C20orf144: variants seen among roughly 807,000 people sequenced by gnomAD.
C20orf144 encodes chromosome 20 open reading frame 144, also known as uncharacterized protein C20orf144.
C20orf144 carries 8 observed loss-of-function variants against 3.8 expected under a neutral mutation model. The ratio of observed to expected loss-of-function variants is 2.11; its 90% CI spans 1.24 to 3.80. The LOEUF (loss-of-function observed/expected upper bound fraction) is 3.80, where lower values mean the gene tolerates loss of function less well. Ranked by LOEUF, C20orf144 falls within the 30% of genes most tolerant of loss-of-function variation. The pLI, the probability that C20orf144 is intolerant of heterozygous loss-of-function variation, is 0.00. For synonymous variants in C20orf144, 126 were observed against 104.1 expected (o/e 1.21, Z -1.28); for missense variants, 289 against 224.5 (o/e 1.29, Z -1.83).
In C20orf144 at chr20:33,663,543, G is replaced by T; in HGVS notation, c.138G>T (p.Val46=). The T allele has an allele frequency of 6.2e-7, 1 of 1,610,266 alleles. No individual in the cohort carries two copies. The change falls in exon 2 of 2, where the codon GTG becomes GTT. Residue 46 remains valine (V), a synonymous_variant. Coordinates refer to ENST00000375222, the MANE Select transcript of C20orf144 (RefSeq NM_080825.4). ...LTRKKPATRI[V]LILPLDKRQP... ...TGTTCCACCCCCAGACCAGGATCGT[G>T]CTGATTCTCCCCCTGGACAAGCGGC...
chr20:33,663,091 T>C lies in C20orf144; in HGVS notation c.127-441T>C, dbSNP rs181899509. ...CCCAACACGGAGAATCAGTTCTAGT[T>C]GGTACTACTGGAGCTAGAGGCAGGG... On this transcript the variant is annotated intron_variant, in intron 1 of 1. Coordinates refer to ENST00000375222, the MANE Select transcript of C20orf144 (RefSeq NM_080825.4). 4.7e-4 allele frequency among the ~76,000 whole-genome samples: 72 copies of C among 152,196 alleles called. No individual in the cohort carries two copies. The Middle Eastern group carries it at 0.017, about 36-fold the overall frequency.
In C20orf144 at chr20:33,663,708, G is replaced by C; in HGVS notation, c.303G>C (p.Arg101=). The change falls in exon 2 of 2, where the codon CGG becomes CGC. Residue 101 remains arginine (R), a synonymous_variant. Transcript: ENST00000375222. ...TGCCGGTACTGCTGCTGCTGCGGCG[G>C]CAAGAGGCGCGGCGGCCGGAAGAGG... The part of the protein sequence containing the change: ...PRMPVLLLLR[R]QEARRPEEGG... 1 of 1,535,868 alleles carries C rather than the reference G, an allele frequency of 6.5e-7. No individual in the cohort carries two copies. The highest frequency in any genetic ancestry group is 1.2e-5 in the South Asian group (1 of 86,242).
intron 1 of C20orf144, 65 bp from the exon 2 acceptor site, chr20:33,663,467 C>G: frequency 6.7e-7 from 1 of 1,492,310 alleles, no homozygotes; most frequent in South Asian, 1.2e-5. Context: ...AAGCGCGGAG[C>G]GGCCCCGGGT....
In C20orf144 at chr20:33,663,679, AG is replaced by A; in HGVS notation, c.276del (p.Met93CysfsTer24). The A allele has an allele frequency of 6.3e-7, 1 of 1,589,034 alleles. No homozygotes were observed. ...GGGCGAAGGTAGCGAGCGCGAGCCG[AG>A]GATGCCGGTACTGCTGCTGCTGCGG... ...GAGEGSEREP[R>X]MPVLLLLRRQ... On this transcript the variant is annotated frameshift_variant, in exon 2 of 2. Transcript: ENST00000375222. LOFTEE classifies it low-confidence loss of function (END_TRUNC).
chr20:33,662,356 A>G lies in C20orf144; in HGVS notation c.11A>G (p.Tyr4Cys). The G allele has an allele frequency of 6.4e-7, 1 of 1,551,330 alleles. No individual in the cohort carries two copies. MGN[Y>C]SSHKRTKAPK... ...GTGACCAGCCCTGCCATGGGAAACT[A>G]TAGTTCCCACAAAAGGACCAAAGCA... is the stretch of plus-strand genomic sequence containing the variant. Residue 4 changes from tyrosine (Y) to cysteine (C), a missense_variant, in exon 1 of 2, where the codon TAT becomes TGT. Transcript: ENST00000375222.
chr20:33,663,503 C>T (rs1338513415), intron 1 of C20orf144, 29 bp from the exon 2 acceptor site: 1 of 1,596,458 alleles, frequency 6.3e-7, no homozygotes, highest in Non-Finnish European at 8.5e-7. Flanking sequence ...AGCGCGCTCT[C>T]CCGCCTCACG....
chr20:33,663,371 G>T, intron 1 of C20orf144, 161 bp from the exon 2 acceptor site: 1 of 735,440 alleles, frequency 1.4e-6, no homozygotes, highest in South Asian at 2.0e-5. Flanking sequence ...GCCTGAATTG[G>T]ACAGGGGTCC....
rs557872161 is a variant in C20orf144, at chr20:33,663,755, G to C, written c.350G>C (p.Ser117Thr). 4 of 1,461,066 alleles carry C rather than the reference G, an allele frequency of 2.7e-6. No individual in the cohort carries two copies. The highest frequency in any genetic ancestry group is 3.6e-6 in the Non-Finnish European group (4 of 1,114,790). The allele number at this position is 1,461,066 out of a possible 1,614,324, so 90.5% of individuals were successfully genotyped here. ...GAGGGCGGGGCCAGGGCAGCTCTGA[G>C]CTGGCCGCGGCTGCTCTCGCGCTTC... The part of the protein sequence containing the change: ...PEEGGARAAL[S>T]WPRLLSRFRS... Residue 117 changes from serine to threonine, a missense_variant, in exon 2 of 2, where the codon AGC becomes ACC. Coordinates refer to ENST00000375222, the MANE Select transcript of C20orf144 (RefSeq NM_080825.4).
rs865968410 is a variant in C20orf144, at chr20:33,663,414, C to T, written c.127-118C>T. The T allele has an allele frequency of 9.1e-6, 10 of 1,103,482 alleles. No homozygotes were observed. In the South Asian group the frequency reaches 1.5e-4, roughly 17 times the overall value. 68.4% of individuals were successfully genotyped at this position (1,103,482 alleles called of 1,614,324 possible). ...CCCTGTGCACGAGAGGATGACAGGA[C>T]CCGGGTGGACGACAGGACCCGGGTG... On this transcript the variant is annotated intron_variant, in intron 1 of 1. Transcript: ENST00000375222.
At position 33,662,600 on chromosome 20, in the gene C20orf144, AT is replaced by A. The variant is rs2017516059; in HGVS notation, c.126+131del. On this transcript the variant is annotated intron_variant, in intron 1 of 1. Coordinates refer to ENST00000375222, the MANE Select transcript of C20orf144 (RefSeq NM_080825.4). ...AGAAGTCCTAGGGGGTGAGGGAGGA[AT>A]TCGAAAATCTCTCCCAAGGATGAGG... is the stretch of plus-strand genomic sequence containing the variant. 2.4e-5 allele frequency: 26 copies of A among 1,092,010 alleles called. No individual in the cohort carries two copies. In the South Asian group the frequency reaches 3.9e-4, roughly 16 times the overall value. 67.6% of individuals were successfully genotyped at this position (1,092,010 alleles called of 1,614,324 possible).
At chr20:33,662,668 G>A (rs1170074930) in intron 1 of C20orf144, 197 bp downstream of exon 1, 10 of 625,372 alleles carry the variant, frequency 1.6e-5, no homozygotes, top group Non-Finnish European at 2.7e-5. Flanking sequence ...GTCCTTTCAA[G>A]GTGGCTCACG....
At position 33,663,701 on chromosome 20, in the gene C20orf144, T is replaced by G. The variant is rs777539750; in HGVS notation, c.296T>G (p.Leu99Arg). 2.7e-4 allele frequency: 430 copies of G among 1,566,434 alleles called. No individual in the cohort carries two copies. In the African/African-American group the frequency reaches 3.7e-3, roughly 13 times the overall value. The change falls in exon 2 of 2, where the codon CTG (leucine) becomes CGG (arginine). Residue 99 changes from leucine (L) to arginine (R), a missense_variant. Transcript: ENST00000375222. ...CCGAGGATGCCGGTACTGCTGCTGC[T>G]GCGGCGGCAAGAGGCGCGGCGGCCG... ...REPRMPVLLL[L>R]RRQEARRPEE...
rs2017505520 is a variant in C20orf144, at chr20:33,662,358, A to C, written c.13A>C (p.Ser5Arg). 1 of 1,551,238 alleles carries C rather than the reference A, an allele frequency of 6.4e-7. No homozygotes were observed. Among genetic ancestry groups the C allele is most frequent in the South Asian group, 1.2e-5 (1 of 84,070 alleles). The part of the protein sequence containing the change: MGNY[S>R]SHKRTKAPKQ... ...GACCAGCCCTGCCATGGGAAACTAT[A>C]GTTCCCACAAAAGGACCAAAGCACC... The change falls in exon 1 of 2, where the codon AGT (serine) becomes CGT (arginine). Residue 5 changes from serine (S) to arginine (R), a missense_variant. Physicochemically the swap from Ser to Arg is moderately radical, Grantham distance 110 (BLOSUM62 -1). Transcript: ENST00000375222.
chr20:33,663,202 G>A (rs1267145748), intron 1 of C20orf144, among the ~76,000 whole-genome samples: 5 of 152,240 alleles, frequency 3.3e-5, no homozygotes, highest in South Asian at 4.1e-4. Flanking sequence ...TGGACCAGGC[G>A]GGGGTGGGAG....
In C20orf144 at chr20:33,662,485, ATGGGGAGCAGGGC is replaced by A. The variant is rs1281312309; in HGVS notation, c.126+22_126+34del. On this transcript the variant is annotated intron_variant, in intron 1 of 1. Transcript: ENST00000375222. ...AAGAAGCCGGCTGTGAGGGCGGGGG[ATGGGGAGCAGGGC>A]TGGGGAGGCAGCTGGGGGGCAGAGA... 7.1e-6 allele frequency: 11 copies of A among 1,549,340 alleles called. No individual in the cohort carries two copies. The East Asian group carries it at 2.7e-4, about 38-fold the overall frequency.
At position 33,663,762 on chromosome 20, in the gene C20orf144, G is replaced by A. The variant is rs1342781316; in HGVS notation, c.357G>A (p.Pro119=). 2.8e-6 allele frequency: 4 copies of A among 1,454,460 alleles called. No homozygotes were observed. The highest frequency in any genetic ancestry group is 2.6e-5 in the Admixed American group (1 of 38,176). 90.1% of individuals were successfully genotyped at this position (1,454,460 alleles called of 1,614,324 possible). A position where few individuals can be genotyped will look rare whatever the true frequency, so the allele number is the denominator to read the frequency against. The part of the protein sequence containing the change: ...EGGARAALSW[P]RLLSRFRSPG... ...GGGCCAGGGCAGCTCTGAGCTGGCCGCGGCTGCTCTCGCGCTTCCGGTCCC... is the reference window on the plus strand; with the variant it reads ...GGGCCAGGGCAGCTCTGAGCTGGCCACGGCTGCTCTCGCGCTTCCGGTCCC... Residue 119 remains proline (P), a synonymous_variant, in exon 2 of 2, where the codon CCG becomes CCA. Coordinates refer to ENST00000375222, the MANE Select transcript of C20orf144 (RefSeq NM_080825.4).
In C20orf144 at chr20:33,663,603, C is replaced by T. The variant is rs2017553316; in HGVS notation, c.198C>T (p.Tyr66=). 1.2e-6 allele frequency: 2 copies of T among 1,610,972 alleles called. No individual in the cohort carries two copies. The highest frequency in any genetic ancestry group is 2.2e-5 in the South Asian group (2 of 91,044). ...PLANAGQRID[Y]ASGAGLGSPA... ...CCAACGCTGGGCAACGGATTGACTA[C>T]GCGTCCGGCGCTGGGCTGGGCTCCC... The change falls in exon 2 of 2, where the codon TAC becomes TAT. Residue 66 remains tyrosine, a synonymous_variant. Transcript: ENST00000375222.
At chr20:33,662,897 T>C (rs2017526099) in intron 1 of C20orf144, 1 of 184,504 alleles carries the variant, frequency 5.4e-6, no homozygotes, top group African/African-American at 2.4e-5. Context: ...ACAGCACCAC[T>C]GCTCCAGCCT....
chr20:33,663,258 T>C, intron 1 of C20orf144: 2 of 526,876 alleles, frequency 3.8e-6, no homozygotes, highest in Non-Finnish European at 6.7e-6. Context: ...TCTCATAAAC[T>C]TAGACGGAGC....
Sources: gnomAD v4.1 joint callset for allele counts (sites outside exome capture counted in the v4.1 genomes callset) on GRCh38, gnomAD v4.1.1 for gene constraint, MANE v1.5 for transcripts, NCBI Gene and HGNC (gene_info 2026-07-23, HGNC 2026-07-21) for gene names.